The following PPME1 variants were observed in gnomAD, a reference collection of about 807,000 sequenced individuals.
PPME1 encodes the protein protein phosphatase methylesterase 1.
A neutral mutation model predicts 56.9 loss-of-function variants in PPME1; 17 were observed. The observed-to-expected ratio is 0.30, with a 90% CI of 0.20 to 0.45. The LOEUF (loss-of-function observed/expected upper bound fraction) is 0.45. Among genes scored for constraint, PPME1 ranks in the 20% least tolerant of loss-of-function variants. PPME1 has a pLI of 1.00. For synonymous variants in PPME1, 122 were observed against 156.2 expected, an observed-to-expected ratio of 0.78 and a Z score of 1.63; for missense variants, 357 against 483.2, an observed-to-expected ratio of 0.74 and a Z score of 2.45.
At chr11:74,225,114 T>A (rs1858900921) in intron 4 of PPME1, 91 bp from the exon 5 acceptor site, 1 of 849,328 alleles carries the variant, frequency 1.2e-6, no homozygotes, top group South Asian at 1.8e-5. Flanking sequence ...CCCTAATCCA[T>A]TGTCCAAAGA....
chr11:74,185,982 C>T (rs1230863291), intron 1 of PPME1, among the ~76,000 whole-genome samples: 2 of 152,190 alleles, frequency 1.3e-5, no homozygotes, highest in Non-Finnish European at 2.9e-5. Flanking sequence ...ATATATTGGG[C>T]TGTACGTGTC....
chr11:74,240,777 A>G (rs1859336544), intron 9 of PPME1, among the ~76,000 whole-genome samples: 1 of 152,096 alleles, frequency 6.6e-6, no homozygotes, highest in Non-Finnish European at 1.5e-5. Flanking sequence ...CTCAGAAGTT[A>G]AGAGACTTGC....
chr11:74,201,762 A>G (rs1312701086), intron 1 of PPME1, among the ~76,000 whole-genome samples: 1 of 152,256 alleles, frequency 6.6e-6, no homozygotes, highest in Non-Finnish European at 1.5e-5. Flanking sequence ...TACTATTACT[A>G]TGATGATATC....
chr11:74,233,739 T>C (rs1859124879), intron 7 of PPME1, among the ~76,000 whole-genome samples: 1 of 152,150 alleles, frequency 6.6e-6, no homozygotes, highest in Admixed American at 6.5e-5. Flanking sequence ...GGAGGATCAT[T>C]TGAGCCCAGA....
chr11:74,238,648 T>C (rs1859259906), intron 8 of PPME1: 1 of 152,294 alleles, frequency 6.6e-6, no homozygotes, highest in Non-Finnish European at 1.5e-5. Flanking sequence ...GTTCAGATGG[T>C]TTCTGTCAGC....
intron 12 of PPME1, 188 bp from the exon 13 acceptor site, chr11:74,251,460 C>G: frequency 7.0e-7 from 1 of 1,424,612 alleles, no homozygotes; most frequent in Non-Finnish European, 9.2e-7. Context: ...CTATCCCTGG[C>G]AAGGATAGTG....
intron 8 of PPME1, among the ~76,000 whole-genome samples, chr11:74,236,685 CA>C (rs1165937348): frequency 6.6e-6 from 1 of 152,160 alleles, no homozygotes; most frequent in Non-Finnish European, 1.5e-5. Flanking sequence ...TGTCCATTTT[CA>C]ATGGTTATTA....
intron 9 of PPME1, among the ~76,000 whole-genome samples, chr11:74,242,725 A>T (rs1256290072): frequency 6.6e-6 from 1 of 151,786 alleles, no homozygotes. Flanking sequence ...CTAAAAATAC[A>T]AAAATTAGCT....
Position 74,194,171 on chromosome 11 carries a change from A to G in PPME1, c.102-9557A>G, listed in dbSNP as rs182044237. 3.9e-3 allele frequency among the ~76,000 whole-genome samples: 590 copies of G among 152,258 alleles called. 4 individuals carry two copies. The highest frequency in any genetic ancestry group is 6.5e-3 in the Non-Finnish European group (442 of 68,018). The stretch of plus-strand genomic sequence containing the variant: ...TTCTCCCTTCTCAATGCTAAGTTTT[A>G]AGACAGGCCTTTTTTTATTTTATTT... On this transcript the variant is annotated intron_variant, in intron 1 of 13. Coordinates refer to ENST00000328257, the MANE Select transcript of PPME1 (RefSeq NM_016147.3).
chr11:74,218,481 C>T (rs1858713627), intron 3 of PPME1, among the ~76,000 whole-genome samples: 1 of 152,148 alleles, frequency 6.6e-6, no homozygotes, highest in Non-Finnish European at 1.5e-5. Flanking sequence ...GGAGGAATAA[C>T]ATTACCTGAC....
chr11:74,217,464 C>A (rs1858680125), intron 3 of PPME1, among the ~76,000 whole-genome samples: 1 of 146,556 alleles, frequency 6.8e-6, no homozygotes, highest in African/African-American at 2.5e-5. Flanking sequence ...ATTGCCTGAA[C>A]CTGGGAAATG....
chr11:74,218,899 A>G (rs1428297393), intron 3 of PPME1, among the ~76,000 whole-genome samples: 1 of 152,172 alleles, frequency 6.6e-6, no homozygotes, highest in African/African-American at 2.4e-5. Flanking sequence ...GGATCATGTC[A>G]AGTTAAAAGG....
At chr11:74,215,103 T>C (rs1858594120) in intron 3 of PPME1, among the ~76,000 whole-genome samples, 1 of 152,222 alleles carries the variant, frequency 6.6e-6, no homozygotes, top group Admixed American at 6.5e-5. Flanking sequence ...TCCCGCACTT[T>C]GGGAGGCCGA....
chr11:74,192,630 G>C (rs956732012), intron 1 of PPME1, among the ~76,000 whole-genome samples: 1 of 152,146 alleles, frequency 6.6e-6, no homozygotes, highest in Admixed American at 6.5e-5. Context: ...GGGAGGTGTT[G>C]GATCATGGAT....
chr11:74,204,211 T>C, intron 2 of PPME1, 142 bp from the exon 3 acceptor site: 1 of 595,036 alleles, frequency 1.7e-6, no homozygotes, highest in Non-Finnish European at 2.9e-6. Flanking sequence ...AGAGGGTTAG[T>C]GTCTCAGAAA....
intron 2 of PPME1, among the ~76,000 whole-genome samples, chr11:74,204,146 AT>A (rs1555076989): frequency 0.027 from 3,854 of 142,936 alleles, 147 homozygotes; most frequent in African/African-American, 0.085. Context: ...GGCAAAGGGA[AT>A]TTTTTTTTTT....
chr11:74,177,448 CAAA>C (rs11421514), intron 1 of PPME1, among the ~76,000 whole-genome samples: 1 of 90,976 alleles, frequency 1.1e-5, no homozygotes. Context: ...GACTTTGTCT[CAAA>C]AAAAAAAAAA....
Position 74,251,035 on chromosome 11 carries a change from G to T in PPME1, c.1074+17G>T, listed in dbSNP as rs376250134. ...CCTGACAAGGTGAGTCTGGTGCTCAGTGACTGTAAAAGGACAACTGTGAGA... is the reference window on the plus strand; with the variant it reads ...CCTGACAAGGTGAGTCTGGTGCTCATTGACTGTAAAAGGACAACTGTGAGA... On this transcript the variant is annotated intron_variant, in intron 12 of 13. Transcript: ENST00000328257. 1.1e-5 allele frequency: 17 copies of T among 1,581,712 alleles called. No individual in the cohort carries two copies. The highest frequency in any genetic ancestry group is 1.2e-5 in the Non-Finnish European group (14 of 1,163,382).
At chr11:74,209,797 TA>T (rs1858426028) in intron 3 of PPME1, among the ~76,000 whole-genome samples, 1 of 152,208 alleles carries the variant, frequency 6.6e-6, no homozygotes, top group African/African-American at 2.4e-5. Context: ...AAAAACTACT[TA>T]GGATAATACT....
Sources: gnomAD v4.1 joint callset for allele counts (sites outside exome capture counted in the v4.1 genomes callset) on GRCh38, gnomAD v4.1.1 for gene constraint, MANE v1.5 for transcripts, NCBI Gene and HGNC (gene_info 2026-07-23, HGNC 2026-07-21) for gene names.